Variants in SYNDIG1 observed in about 807,000 individuals in gnomAD.
The protein encoded by SYNDIG1 is synapse differentiation inducing 1, also known as synapse differentiation-inducing gene protein 1.
SYNDIG1 carries 9 observed loss-of-function variants against 19.4 expected under a neutral mutation model. The ratio of observed to expected loss-of-function variants is 0.46; its 90% CI spans 0.28 to 0.81. The LOEUF is 0.81. Among genes scored for constraint, SYNDIG1 ranks in the 30% least tolerant of loss-of-function variants. The pLI is 0.12. For missense variants in SYNDIG1, 311 were observed against 343.3 expected (o/e 0.91, Z 0.74); for synonymous variants, 141 against 145.9 (o/e 0.97, Z 0.24).
chr20:24,516,134 A>C (rs560140925), intron 1 of SYNDIG1, among the ~76,000 whole-genome samples: 20 of 152,380 alleles, frequency 1.3e-4, no homozygotes, highest in African/African-American at 4.6e-4. Context: ...CTGGCTAGCC[A>C]TATGTAGACA....
intron 3 of SYNDIG1, among the ~76,000 whole-genome samples, chr20:24,609,579 C>G (rs769933814): frequency 6.6e-6 from 1 of 152,030 alleles, no homozygotes; most frequent in Non-Finnish European, 1.5e-5. Flanking sequence ...TCAGTGAATT[C>G]GGAAATAAAT....
rs371652342 is a variant in SYNDIG1, at chr20:24,627,993, G to T, written c.619-37353G>T. On this transcript the variant is annotated intron_variant, in intron 3 of 3. Transcript: ENST00000376862. ...TAAATCTTTTATTCATGTCATTGGT[G>T]TGCAGCGTGGATGTTAAATCATCTT... Among the ~76,000 whole-genome samples, 6 of 152,324 alleles carry T rather than the reference G, an allele frequency of 3.9e-5. 1 individual carries two copies. Among genetic ancestry groups the T allele is most frequent in the African/African-American group, 1.4e-4 (6 of 41,568 alleles).
chr20:24,658,021 AC>A lies in SYNDIG1; in HGVS notation c.619-7320del, dbSNP rs1258960543. Among the ~76,000 whole-genome samples, 2 of 152,180 alleles carry A rather than the reference AC, an allele frequency of 1.3e-5. No homozygotes were observed. Among genetic ancestry groups the A allele is most frequent in the East Asian group, 3.9e-4 (2 of 5,166 alleles). On this transcript the variant is annotated intron_variant, in intron 3 of 3. Coordinates refer to ENST00000376862, the MANE Select transcript of SYNDIG1 (RefSeq NM_024893.3). The surrounding 1 kb of genome is among the most constrained non-coding windows in gnomAD (Gnocchi z 4.4). ...TCTGGCGAGGGCATAACTGCTGAGG[AC>A]CCCCAGCTGTGCTGGCCCCGGTCCA...
intron 3 of SYNDIG1, among the ~76,000 whole-genome samples, chr20:24,585,594 T>C (rs555256652): frequency 6.6e-6 from 1 of 152,338 alleles, no homozygotes; most frequent in South Asian, 2.1e-4. Flanking sequence ...CTACAGAGCA[T>C]CCTGTTTGTT....
intron 3 of SYNDIG1, among the ~76,000 whole-genome samples, chr20:24,635,762 G>A (rs942779176): frequency 3.3e-5 from 5 of 151,846 alleles, no homozygotes; most frequent in East Asian, 3.9e-4. Flanking sequence ...TGGATCTCAC[G>A]GCCACACAGT....
chr20:24,530,529 G>T (rs180920051), intron 1 of SYNDIG1, among the ~76,000 whole-genome samples: 1 of 152,294 alleles, frequency 6.6e-6, no homozygotes, highest in East Asian at 1.9e-4. Context: ...TTTTAATGAG[G>T]GTTTGCAAGC....
rs201939403 is a variant in SYNDIG1 at position 24,641,055 on chromosome 20, AC to A, written c.619-24290del. Among the ~76,000 whole-genome samples the A allele has an allele frequency of 6.6e-3, 1,000 of 152,324 alleles. 13 individuals carry two copies. Among genetic ancestry groups the A allele is most frequent in the African/African-American group, 0.023 (975 of 41,578 alleles). On this transcript the variant is annotated intron_variant, in intron 3 of 3. Transcript: ENST00000376862. ...TAAACCTCCTCATTTGTTCCCAGGA[AC>A]TTTTGCTTAGAGAATGATATTGATG...
intron 2 of SYNDIG1, among the ~76,000 whole-genome samples, chr20:24,573,748 C>T (rs1488705962): frequency 1.3e-5 from 2 of 152,228 alleles, no homozygotes; most frequent in Admixed American, 6.5e-5. Flanking sequence ...CGTCATGTGT[C>T]TGTCACCTCC....
intron 1 of SYNDIG1, among the ~76,000 whole-genome samples, chr20:24,517,088 G>A (rs1030844487): frequency 6.6e-6 from 1 of 152,080 alleles, no homozygotes; most frequent in African/African-American, 2.4e-5. Context: ...AATCATAGGT[G>A]GGAATTGAAC....
intron 3 of SYNDIG1, among the ~76,000 whole-genome samples, chr20:24,662,174 A>C (rs1263532278): frequency 6.6e-6 from 1 of 151,660 alleles, no homozygotes; most frequent in Non-Finnish European, 1.5e-5. Flanking sequence ...ACTTCAGCTA[A>C]AGCACGTTTG....
At chr20:24,575,553 A>G (rs1203644297) in intron 2 of SYNDIG1, among the ~76,000 whole-genome samples, 1 of 152,194 alleles carries the variant, frequency 6.6e-6, no homozygotes, top group Non-Finnish European at 1.5e-5. Flanking sequence ...AACGCTCACA[A>G]TGGGAACTTC....
chr20:24,583,204 A>AG (rs1243807647), intron 2 of SYNDIG1, among the ~76,000 whole-genome samples: 2 of 152,206 alleles, frequency 1.3e-5, no homozygotes, highest in African/African-American at 4.8e-5. Flanking sequence ...TCTGCTAGTA[A>AG]GGAGGAATGT....
At chr20:24,557,513 T>C in intron 2 of SYNDIG1, among the ~76,000 whole-genome samples, 1 of 152,180 alleles carries the variant, frequency 6.6e-6, no homozygotes, top group East Asian at 1.9e-4. Flanking sequence ...TTGTTAGTTT[T>C]CCTTCTAACA....
intron 3 of SYNDIG1, among the ~76,000 whole-genome samples, chr20:24,655,934 A>G (rs2059520599): frequency 6.6e-6 from 1 of 152,232 alleles, no homozygotes; most frequent in African/African-American, 2.4e-5. Flanking sequence ...ATCACTGCAC[A>G]CACAGGGGTG....
intron 3 of SYNDIG1, among the ~76,000 whole-genome samples, chr20:24,626,874 G>A (rs989392672): frequency 7.2e-5 from 11 of 152,382 alleles, no homozygotes; most frequent in Admixed American, 3.3e-4. Flanking sequence ...AGGAGCTGGA[G>A]ACCAGCCCGG....
At chr20:24,660,554 C>T (rs563769433) in intron 3 of SYNDIG1, among the ~76,000 whole-genome samples, 294 of 152,320 alleles carry the variant, frequency 1.9e-3, no homozygotes, top group African/African-American at 7.0e-3. Flanking sequence ...ACAGTGTCTG[C>T]CCCTGTGGAC....
At chr20:24,530,775 G>T (rs1325252977) in intron 1 of SYNDIG1, among the ~76,000 whole-genome samples, 2 of 151,270 alleles carry the variant, frequency 1.3e-5, no homozygotes, top group Non-Finnish European at 2.9e-5. Context: ...AATTAGTTTT[G>T]TGGGGGGTTT....
At chr20:24,506,189 G>A (rs2056587375) in intron 1 of SYNDIG1, among the ~76,000 whole-genome samples, 2 of 152,210 alleles carry the variant, frequency 1.3e-5, no homozygotes, top group African/African-American at 4.8e-5. Flanking sequence ...AGCTGCAGCT[G>A]AGAACATACC....
At chr20:24,562,318 C>A (rs1161418652) in intron 2 of SYNDIG1, among the ~76,000 whole-genome samples, 1 of 152,002 alleles carries the variant, frequency 6.6e-6, no homozygotes, top group African/African-American at 2.4e-5. Flanking sequence ...ATATGTGCCA[C>A]CATTGAGGGC....
Sources: gnomAD v4.1 joint callset for allele counts (sites outside exome capture counted in the v4.1 genomes callset) on GRCh38, gnomAD v4.1.1 for gene constraint, Gnocchi (gnomAD v3.1) non-coding constraint, MANE v1.5 for transcripts, NCBI Gene and HGNC (gene_info 2026-07-23, HGNC 2026-07-21) for gene names.